TOM1L2: variants seen among roughly 807,000 people sequenced by gnomAD.
TOM1L2 encodes the protein TOM1-like protein 2.
Under a neutral mutation model 67.9 loss-of-function variants are expected in TOM1L2, and 31 were observed. The ratio of observed to expected loss-of-function variants is 0.46; its 90% CI spans 0.34 to 0.62. TOM1L2 has a LOEUF of 0.62. Among genes scored for constraint, TOM1L2 ranks in the 20% least tolerant of loss-of-function variants. TOM1L2 has a pLI of 0.01. For synonymous variants in TOM1L2, 256 were observed against 254.0 expected (o/e 1.01, Z -0.07); for missense variants, 606 against 663.5 (o/e 0.91, Z 0.95).
chr17:17,912,446 A>G (rs1350354741), intron 1 of TOM1L2, among the ~76,000 whole-genome samples: 4 of 149,440 alleles, frequency 2.7e-5, no homozygotes. Flanking sequence ...GTTGCCAGGC[A>G]GAGGGTCTCC....
At chr17:17,856,336 A>G (rs1293337342) in intron 12 of TOM1L2, among the ~76,000 whole-genome samples, 2 of 152,274 alleles carry the variant, frequency 1.3e-5, no homozygotes, top group African/African-American at 2.4e-5. Context: ...CTTGGGGTCT[A>G]GTGGAGGAAC....
At chr17:17,968,364 A>G (rs2041941578) in intron 1 of TOM1L2, among the ~76,000 whole-genome samples, 1 of 152,156 alleles carries the variant, frequency 6.6e-6, no homozygotes. Context: ...AGTTGAAGTC[A>G]GTTAAAGAAC....
chr17:17,914,569 C>T (rs1275960527), intron 1 of TOM1L2, among the ~76,000 whole-genome samples: 5 of 152,206 alleles, frequency 3.3e-5, no homozygotes, highest in Non-Finnish European at 4.4e-5. Context: ...GCATTCTCAT[C>T]CCTTCCTCTC....
chr17:17,897,133 G>GT (rs1011643365), intron 3 of TOM1L2, among the ~76,000 whole-genome samples: 3 of 152,190 alleles, frequency 2.0e-5, no homozygotes, highest in Non-Finnish European at 4.4e-5. Flanking sequence ...ATGAAGTTGG[G>GT]TGTGTAAATG....
At chr17:17,883,838 T>C (rs1306064452) in intron 5 of TOM1L2, among the ~76,000 whole-genome samples, 1 of 152,154 alleles carries the variant, frequency 6.6e-6, no homozygotes, top group Admixed American at 6.5e-5. Flanking sequence ...TGTGCACAGG[T>C]GTGCTATCCT....
intron 1 of TOM1L2, among the ~76,000 whole-genome samples, chr17:17,925,149 A>T (rs146604032): frequency 6.6e-6 from 1 of 152,164 alleles, no homozygotes; most frequent in Non-Finnish European, 1.5e-5. Flanking sequence ...TATGCTTCCT[A>T]TACAGCCTGC....
At chr17:17,918,633 A>G (rs1280891993) in intron 1 of TOM1L2, among the ~76,000 whole-genome samples, 1 of 152,172 alleles carries the variant, frequency 6.6e-6, no homozygotes, top group Non-Finnish European at 1.5e-5. Flanking sequence ...TCTCCAGCCT[A>G]TCTGCCCATA....
chr17:17,866,115 G>A (rs1598212609), intron 10 of TOM1L2, among the ~76,000 whole-genome samples, 181 bp downstream of exon 10: 1 of 152,178 alleles, frequency 6.6e-6, no homozygotes, highest in South Asian at 2.1e-4. Flanking sequence ...TCAAATTTAG[G>A]GGGAAAAAAG....
intron 1 of TOM1L2, among the ~76,000 whole-genome samples, chr17:17,941,358 C>T (rs922274665): frequency 6.6e-6 from 1 of 152,036 alleles, no homozygotes; most frequent in Non-Finnish European, 1.5e-5. Flanking sequence ...GCTCTGCCCT[C>T]GGATGACTAT....
chr17:17,884,941 A>T (rs2037920690), intron 4 of TOM1L2, among the ~76,000 whole-genome samples, 173 bp from the exon 5 acceptor site: 1 of 152,242 alleles, frequency 6.6e-6, no homozygotes, highest in Non-Finnish European at 1.5e-5. Flanking sequence ...GCCACGACAC[A>T]GCTGGTGAAA....
chr17:17,848,733 G>A lies in TOM1L2; in HGVS notation c.1375+90C>T, dbSNP rs555944362. 1.6e-5 allele frequency: 23 copies of A among 1,466,706 alleles called. No individual in the cohort carries two copies. The African/African-American group carries it at 3.2e-4, about 20-fold the overall frequency. 90.9% of individuals were successfully genotyped at this position (1,466,706 alleles called of 1,614,324 possible). On this transcript the variant is annotated intron_variant, in intron 14 of 14. Transcript: ENST00000379504. ...CCTGGCACCAGTAGGTGCTCTGGCA[G>A]CGGGGGCTCCAAGATGATGGGGGCT...
intron 2 of TOM1L2, among the ~76,000 whole-genome samples, chr17:17,901,058 G>A (rs529845302): frequency 6.6e-6 from 1 of 152,340 alleles, no homozygotes; most frequent in South Asian, 2.1e-4. Flanking sequence ...GGGCCACGGG[G>A]TGGGAAATCA....
chr17:17,889,546 G>A (rs2038169299), intron 4 of TOM1L2, among the ~76,000 whole-genome samples: 1 of 152,214 alleles, frequency 6.6e-6, no homozygotes, highest in Non-Finnish European at 1.5e-5. Flanking sequence ...TTGGCCAGCA[G>A]CTGGTAATCA....
chr17:17,934,290 T>G (rs1458647060), intron 1 of TOM1L2, among the ~76,000 whole-genome samples: 1 of 151,944 alleles, frequency 6.6e-6, no homozygotes, highest in Admixed American at 6.6e-5. Context: ...ACAAAAACAG[T>G]GTTGAAATTA....
chr17:17,937,547 G>T (rs1004706619), intron 1 of TOM1L2, among the ~76,000 whole-genome samples: 1 of 152,160 alleles, frequency 6.6e-6, no homozygotes. Flanking sequence ...TGTCACCAGT[G>T]GGGGAGGGCC....
intron 1 of TOM1L2, among the ~76,000 whole-genome samples, chr17:17,935,924 G>C (rs1269730767): frequency 3.3e-5 from 5 of 152,144 alleles, no homozygotes; most frequent in African/African-American, 9.7e-5. Context: ...AGTCTGAACT[G>C]GTCTCCCAGA....
chr17:17,934,000 T>C (rs1460247395), intron 1 of TOM1L2, among the ~76,000 whole-genome samples: 1 of 151,932 alleles, frequency 6.6e-6, no homozygotes, highest in Non-Finnish European at 1.5e-5. Context: ...TTGCCCCTAA[T>C]CCACAGACAC....
intron 1 of TOM1L2, among the ~76,000 whole-genome samples, chr17:17,961,871 C>CAA (rs530184569): frequency 0.042 from 4,825 of 115,176 alleles, 313 homozygotes; most frequent in African/African-American, 0.14. Context: ...GACTCCGTCT[C>CAA]AAAAAAAAAA....
intron 1 of TOM1L2, among the ~76,000 whole-genome samples, chr17:17,928,249 A>C (rs2040178888): frequency 6.6e-6 from 1 of 152,206 alleles, no homozygotes; most frequent in South Asian, 2.1e-4. Context: ...GGAAGGGGAG[A>C]GCTGATTCTG....
Sources: gnomAD v4.1 joint callset for allele counts (sites outside exome capture counted in the v4.1 genomes callset) on GRCh38, gnomAD v4.1.1 for gene constraint, MANE v1.5 for transcripts, NCBI Gene and HGNC (gene_info 2026-07-23, HGNC 2026-07-21) for gene names.